Variants in DERA observed in about 807,000 individuals in gnomAD.
DERA encodes deoxyribose-phosphate aldolase, also known as 2-deoxy-D-ribose 5-phosphate aldolase.
Under a neutral mutation model 41.1 loss-of-function variants are expected in DERA, and 15 were observed. That is an observed-to-expected ratio of 0.37 (90% CI 0.24 to 0.56). DERA has a LOEUF of 0.56. DERA is among the 20% of genes least tolerant of loss of function. DERA has a pLI of 0.81. For synonymous variants in DERA, 139 were observed against 137.4 expected (o/e 1.01, Z -0.08); for missense variants, 396 against 403.4 (o/e 0.98, Z 0.16).
At chr12:15,969,395 T>C (rs1948645051) in intron 5 of DERA, among the ~76,000 whole-genome samples, 1 of 152,206 alleles carries the variant, frequency 6.6e-6, no homozygotes, top group South Asian at 2.1e-4. Context: ...TGGAGCTGGC[T>C]TTACTAGCTT....
In DERA at chr12:15,965,052, A is replaced by C. The variant is rs1336589917; in HGVS notation, c.508+2105A>C. 6.6e-6 allele frequency among the ~76,000 whole-genome samples: 1 copy of C among 152,200 alleles called. No individual in the cohort carries two copies. Among genetic ancestry groups the C allele is most frequent in the Admixed American group, 6.5e-5 (1 of 15,282 alleles). On this transcript the variant is annotated intron_variant, in intron 5 of 8. Transcript: ENST00000428559. This position sits in a 1 kb window ranked among gnomAD's most constrained non-coding sequence, Gnocchi z 4.1. ...AATTTAATTCTAAATAGAAACCTGA[A>C]ATGACTTAGGACTTTTTGCTGCAAT...
rs12229339 is a variant in DERA, at chr12:15,913,112, A to G, written c.31+1698A>G. Among the ~76,000 whole-genome samples, 13,449 of 152,260 alleles carry G rather than the reference A, an allele frequency of 0.088. 1,963 individuals are homozygous for G. The highest frequency in any genetic ancestry group is 0.3 in the African/African-American group (12,473 of 41,506). On this transcript the variant is annotated intron_variant, in intron 1 of 8. Coordinates refer to ENST00000428559, the MANE Select transcript of DERA (RefSeq NM_015954.4). This position sits in a 1 kb window ranked among gnomAD's most constrained non-coding sequence, Gnocchi z 4.5. ...GCCCTAAATTTCCCAAAACTTAGAC[A>G]TTTTAAATTTTTCTTTCAAAAAACA... is the stretch of plus-strand genomic sequence containing the variant.
chr12:15,985,992 C>T lies in DERA; in HGVS notation c.637+3556C>T, dbSNP rs117687660. Among the ~76,000 whole-genome samples the T allele has an allele frequency of 7.2e-4, 110 of 152,126 alleles. 2 individuals carry two copies. In the East Asian group the frequency reaches 0.019, roughly 27 times the overall value. Reference sequence around the variant, plus strand: ...TGTGGATTTGTCTGGTTATCCCTTTCGTCTGTCAGTTTTTTCATCATGTAT... The same window carrying T: ...TGTGGATTTGTCTGGTTATCCCTTTTGTCTGTCAGTTTTTTCATCATGTAT... On this transcript the variant is annotated intron_variant, in intron 6 of 8. Transcript: ENST00000428559. This position sits in a 1 kb window ranked among gnomAD's most constrained non-coding sequence, Gnocchi z 4.2.
At position 15,943,920 on chromosome 12, in the gene DERA, T is replaced by G. The variant is rs11056732; in HGVS notation, c.32-13016T>G. Among the ~76,000 whole-genome samples, 29,659 of 130,456 alleles carry G rather than the reference T, an allele frequency of 0.23. 3,439 individuals carry two copies. The highest frequency in any genetic ancestry group is 0.36 in the Admixed American group (4,426 of 12,160). The allele number at this position is 130,456 out of a possible 152,430, so 85.6% of individuals were successfully genotyped here. A position where few individuals can be genotyped will look rare whatever the true frequency, so the allele number is the denominator to read the frequency against. On this transcript the variant is annotated intron_variant, in intron 1 of 8. Transcript: ENST00000428559. This position sits in a 1 kb window ranked among gnomAD's most constrained non-coding sequence, Gnocchi z 4.5. Reference sequence around the variant, plus strand: ...CAGACCCTGGTGTGTGATGTTCCCCTTCCTGTGTCCAAGTGTTCTCATTGT... The same window carrying G: ...CAGACCCTGGTGTGTGATGTTCCCCGTCCTGTGTCCAAGTGTTCTCATTGT...
Position 15,985,761 on chromosome 12 carries a change from T to G in DERA, c.637+3325T>G, listed in dbSNP as rs942663242. 1.3e-5 allele frequency among the ~76,000 whole-genome samples: 2 copies of G among 152,186 alleles called. No individual in the cohort carries two copies. Among genetic ancestry groups the G allele is most frequent in the African/African-American group, 4.8e-5 (2 of 41,450 alleles). ...ATCCATTGTAAGAATCTTTTGTCTT[T>G]TGGAATTAACAGTTATTTTGTAGCT... On this transcript the variant is annotated intron_variant, in intron 6 of 8. Coordinates refer to ENST00000428559, the MANE Select transcript of DERA (RefSeq NM_015954.4). This position sits in a 1 kb window ranked among gnomAD's most constrained non-coding sequence, Gnocchi z 4.2.
In DERA at chr12:15,931,078, C is replaced by T. The variant is rs1307943205; in HGVS notation, c.31+19664C>T. On this transcript the variant is annotated intron_variant, in intron 1 of 8. Coordinates refer to ENST00000428559, the MANE Select transcript of DERA (RefSeq NM_015954.4). The surrounding 1 kb of genome is among the most constrained non-coding windows in gnomAD (Gnocchi z 4.6). ...GTTTTCAAATTGTTTTAAGTGTTTT[C>T]TATTATGGAGATATAAATAATATTT... 6.6e-6 allele frequency among the ~76,000 whole-genome samples: 1 copy of T among 151,992 alleles called. No homozygotes were observed. The highest frequency in any genetic ancestry group is 1.5e-5 in the Non-Finnish European group (1 of 67,958).
chr12:16,028,116 T>A (rs1211106233), intron 6 of DERA, among the ~76,000 whole-genome samples: 1 of 152,212 alleles, frequency 6.6e-6, no homozygotes, highest in Non-Finnish European at 1.5e-5. Flanking sequence ...AGCACCCATA[T>A]AGTGGTTTCC....
intron 6 of DERA, among the ~76,000 whole-genome samples, chr12:16,006,911 A>G (rs1311256859): frequency 2.0e-5 from 3 of 152,222 alleles, no homozygotes; most frequent in Non-Finnish European, 4.4e-5. Context: ...CTCCGTGTGT[A>G]CTTCCACAGC....
intron 5 of DERA, among the ~76,000 whole-genome samples, chr12:15,969,180 A>C (rs1233963842): frequency 1.3e-5 from 2 of 152,204 alleles, no homozygotes; most frequent in Admixed American, 1.3e-4. Flanking sequence ...CATTCACCAG[A>C]AGTTGTTCAT....
chr12:15,912,410 A>G (rs1948171444), intron 1 of DERA, among the ~76,000 whole-genome samples: 1 of 152,214 alleles, frequency 6.6e-6, no homozygotes, highest in Non-Finnish European at 1.5e-5. Context: ...AAAAATTTAT[A>G]ATTCAAACAG....
intron 1 of DERA, among the ~76,000 whole-genome samples, chr12:15,950,673 C>A (rs1948490795): frequency 6.6e-6 from 1 of 152,170 alleles, no homozygotes; most frequent in Non-Finnish European, 1.5e-5. Flanking sequence ...TTGCTTATTT[C>A]ACGTGGGGTC....
rs1366840049 is a variant in DERA, at chr12:15,944,102, C to A, written c.32-12834C>A. ...CTTAGTATTCCATGGTGTATATGTGCCACATTTCCTTAATCCAGGGTATCA... is the reference window on the plus strand; with the variant it reads ...CTTAGTATTCCATGGTGTATATGTGACACATTTCCTTAATCCAGGGTATCA... On this transcript the variant is annotated intron_variant, in intron 1 of 8. Transcript: ENST00000428559. Among the ~76,000 whole-genome samples, 4 of 152,166 alleles carry A rather than the reference C, an allele frequency of 2.6e-5. No individual in the cohort carries two copies. The South Asian group carries it at 8.3e-4, about 32-fold the overall frequency.
chr12:16,032,211 TA>T (rs1473009161), intron 6 of DERA, among the ~76,000 whole-genome samples: 1 of 152,186 alleles, frequency 6.6e-6, no homozygotes, highest in Non-Finnish European at 1.5e-5. Context: ...TGTATAATAT[TA>T]AGCATAGGGC....
At chr12:15,923,701 CTT>C (rs10641594) in intron 1 of DERA, among the ~76,000 whole-genome samples, 13,984 of 146,148 alleles carry the variant, frequency 0.096, 2,184 homozygotes, top group African/African-American at 0.32. Context: ...TATAGTCTTC[CTT>C]TTTTTTTTTT....
intron 1 of DERA, among the ~76,000 whole-genome samples, chr12:15,923,751 T>C (rs2136126198): frequency 6.6e-6 from 1 of 152,108 alleles, no homozygotes; most frequent in Non-Finnish European, 1.5e-5. Flanking sequence ...CTTCCTCTCT[T>C]CTATTCCCTA....
rs1199317535 is a variant in DERA at position 15,928,342 on chromosome 12, G to C, written c.31+16928G>C. 6.6e-6 allele frequency among the ~76,000 whole-genome samples: 1 copy of C among 152,164 alleles called. No individual in the cohort carries two copies. The highest frequency in any genetic ancestry group is 2.4e-5 in the African/African-American group (1 of 41,430). On this transcript the variant is annotated intron_variant, in intron 1 of 8. Transcript: ENST00000428559. The surrounding 1 kb of genome is among the most constrained non-coding windows in gnomAD (Gnocchi z 4.6). The stretch of plus-strand genomic sequence containing the variant: ...TGAAATCTACAGGTAATCTCTAAGT[G>C]TTATTTTAATTAACAAATTTTAAAT...
chr12:16,007,275 C>T (rs1025151697), intron 6 of DERA, among the ~76,000 whole-genome samples: 5 of 151,708 alleles, frequency 3.3e-5, no homozygotes, highest in East Asian at 1.9e-4. Context: ...CCTCCGCCTC[C>T]GGGGTTCAAG....
In DERA at chr12:16,001,539, G is replaced by C. The variant is rs771275639; in HGVS notation, c.637+19103G>C. Among the ~76,000 whole-genome samples, 3 of 152,144 alleles carry C rather than the reference G, an allele frequency of 2.0e-5. No homozygotes were observed. The highest frequency in any genetic ancestry group is 2.9e-5 in the Non-Finnish European group (2 of 68,020). Reference sequence around the variant, plus strand: ...CAGACTTGTGGAGTCATGGTCTTAGGTCTGTGTGACGTGTTTGATGCTCTG... The same window carrying C: ...CAGACTTGTGGAGTCATGGTCTTAGCTCTGTGTGACGTGTTTGATGCTCTG... On this transcript the variant is annotated intron_variant, in intron 6 of 8. Coordinates refer to ENST00000428559, the MANE Select transcript of DERA (RefSeq NM_015954.4). This position sits in a 1 kb window ranked among gnomAD's most constrained non-coding sequence, Gnocchi z 4.1.
rs554336778 is a variant in DERA, at chr12:15,961,663, C to T, written c.374-1150C>T. 5.4e-4 allele frequency among the ~76,000 whole-genome samples: 83 copies of T among 152,344 alleles called. 2 individuals carry two copies. The South Asian group carries it at 0.011, about 20-fold the overall frequency. On this transcript the variant is annotated intron_variant, in intron 4 of 8. Coordinates refer to ENST00000428559, the MANE Select transcript of DERA (RefSeq NM_015954.4). ...TACACTTGTATAGACCTTAATTTTT[C>T]ATCAGCCTCAGTCAGTTCAGTTTTT...
Sources: gnomAD v4.1 joint callset for allele counts (sites outside exome capture counted in the v4.1 genomes callset) on GRCh38, gnomAD v4.1.1 for gene constraint, Gnocchi (gnomAD v3.1) non-coding constraint, MANE v1.5 for transcripts, NCBI Gene and HGNC (gene_info 2026-07-23, HGNC 2026-07-21) for gene names.